WASHC2C: variants seen among roughly 807,000 people sequenced by gnomAD.
The protein encoded by WASHC2C is WASH complex subunit 2C.
WASHC2C carries 73 observed loss-of-function variants against 142.2 expected under a neutral mutation model. That is an observed-to-expected ratio of 0.51 (90% CI 0.43 to 0.62). WASHC2C has a LOEUF of 0.62. Among genes scored for constraint, WASHC2C ranks in the 20% least tolerant of loss-of-function variants. WASHC2C has a pLI of 0.00. For missense variants in WASHC2C, 969 were observed against 1,531.7 expected, an observed-to-expected ratio of 0.63 and a Z score of 6.13; for synonymous variants, 337 against 565.5, an observed-to-expected ratio of 0.60 and a Z score of 5.73.
chr10:45,782,478 T>C (rs2057593655), intron 23 of WASHC2C, among the ~76,000 whole-genome samples: 1 of 147,958 alleles, frequency 6.8e-6, no homozygotes, highest in African/African-American at 2.5e-5. Flanking sequence ...TTGGTAAGGA[T>C]GTGGATAAAT....
intron 23 of WASHC2C, among the ~76,000 whole-genome samples, chr10:45,784,293 C>CACACACACATAT (rs1305333868): frequency 4.7e-5 from 3 of 63,646 alleles, no homozygotes; most frequent in East Asian, 1.2e-3. Context: ...TATATATACA[C>CACACACACATAT]ATATATATAT....
At chr10:45,727,087 G>A, upstream of WASHC2C, 1 of 1,339,950 alleles carries the variant, frequency 7.5e-7, no homozygotes. Context: ...CTATCCTCCA[G>A]CTTCCTCCGC....
At chr10:45,727,385 C>T in intron 1 of WASHC2C, 32 bp from the exon 2 acceptor site, 1 of 1,609,688 alleles carries the variant, frequency 6.2e-7, no homozygotes, top group Non-Finnish European at 8.5e-7. Context: ...CGCCCTCAGG[C>T]TCAGCCTCTC....
At chr10:45,730,873 C>A (rs567501933) in intron 3 of WASHC2C, among the ~76,000 whole-genome samples, 1 of 152,016 alleles carries the variant, frequency 6.6e-6, no homozygotes, top group African/African-American at 2.4e-5. Flanking sequence ...CCCACCTCGA[C>A]CTCCCAAAGT....
rs1365630263 is a variant in WASHC2C at position 45,789,115 on chromosome 10, T to C, written c.3332T>C (p.Val1111Ala). ...APWEGGPVPG[V>A]DTSPFAKSLG... Reference sequence around the variant, plus strand: ...TGGGAAGGTGGTCCTGTGCCTGGAGTGGACACAAGCCCCTTTGCAAAGTCT... The same window carrying C: ...TGGGAAGGTGGTCCTGTGCCTGGAGCGGACACAAGCCCCTTTGCAAAGTCT... The change falls in exon 29 of 31, where the codon GTG (valine) becomes GCG (alanine). Residue 1111 changes from valine (V) to alanine (A), a missense_variant. Transcript: ENST00000623400. The C allele has an allele frequency of 5.0e-6, 8 of 1,611,858 alleles. No individual in the cohort carries two copies. In the African/African-American group the frequency reaches 5.3e-5, roughly 11 times the overall value.
chr10:45,792,324 C>T lies in WASHC2C; in HGVS notation c.3950C>T (p.Ala1317Val). ...TTKPKSRSAQ[A>V]APEPRFEHKV... ...AAACCAAAAAGCCGATCTGCACAGG[C>T]CGCACCTGAACCAAGATTTGAACAC... The change falls in exon 31 of 31, where the codon GCC becomes GTC. Residue 1317 changes from alanine (A) to valine (V), a missense_variant. Physicochemically the swap from Ala to Val is moderately conservative, Grantham distance 64. Coordinates refer to ENST00000623400, the MANE Select transcript of WASHC2C (RefSeq NM_001330074.2). The T allele has an allele frequency of 1.3e-6, 2 of 1,565,430 alleles. No individual in the cohort carries two copies. Among genetic ancestry groups the T allele is most frequent in the Non-Finnish European group, 1.7e-6 (2 of 1,146,840 alleles).
chr10:45,735,998 A>G (rs1388732144), intron 3 of WASHC2C, among the ~76,000 whole-genome samples: 3 of 151,960 alleles, frequency 2.0e-5, no homozygotes, highest in Non-Finnish European at 4.4e-5. Context: ...GCCAGGCACA[A>G]TGGCTCACAC....
In WASHC2C at chr10:45,727,555, C is replaced by G; in HGVS notation, c.126+16C>G. Reference sequence around the variant, plus strand: ...CGACGCGGGCGTGAGAGGCGGGCCCCGGGGACGCGAGAGCGGCAGGGGTGA... The same window carrying G: ...CGACGCGGGCGTGAGAGGCGGGCCCGGGGGACGCGAGAGCGGCAGGGGTGA... On this transcript the variant is annotated intron_variant, in intron 2 of 30. Coordinates refer to ENST00000623400, the MANE Select transcript of WASHC2C (RefSeq NM_001330074.2). The G allele has an allele frequency of 1.2e-5, 19 of 1,566,102 alleles. No homozygotes were observed. The highest frequency in any genetic ancestry group is 1.6e-5 in the Non-Finnish European group (19 of 1,157,162).
chr10:45,761,004 A>G (rs1476203960), intron 17 of WASHC2C, among the ~76,000 whole-genome samples: 2 of 152,028 alleles, frequency 1.3e-5, no homozygotes, highest in African/African-American at 2.4e-5. Flanking sequence ...GACTTACGAG[A>G]TGTTCTGGTT....
intron 23 of WASHC2C, among the ~76,000 whole-genome samples, chr10:45,784,269 T>TATATATATATACACACACACAC (rs2057788343): frequency 3.7e-4 from 5 of 13,476 alleles, no homozygotes; most frequent in East Asian, 0.011. Context: ...TATATATATA[T>TATATATATATACACACACACAC]ATATATATAT....
In WASHC2C at chr10:45,777,395, T is replaced by C. The variant is rs781898050; in HGVS notation, c.2265T>C (p.Phe755=). Residue 755 remains phenylalanine (F), a synonymous_variant, in exon 22 of 31, where the codon TTT becomes TTC. Coordinates refer to ENST00000623400, the MANE Select transcript of WASHC2C (RefSeq NM_001330074.2). ...AGAGTGCCAAGGAGTCATTAAAATT[T>C]GGGAGAACTGATGTGGCTGAGTCAG... ...KVESAKESLK[F]GRTDVAESEK... 4.3e-6 allele frequency: 7 copies of C among 1,610,310 alleles called. No homozygotes were observed. The Admixed American group carries it at 5.0e-5, about 12-fold the overall frequency.
At chr10:45,730,910 C>T (rs61855810) in intron 3 of WASHC2C, among the ~76,000 whole-genome samples, 197 of 151,840 alleles carry the variant, frequency 1.3e-3, no homozygotes, top group Admixed American at 2.2e-3. Context: ...TGAGCCACGG[C>T]GCCCGGCAAG....
chr10:45,730,968 T>C (rs1356525528), intron 3 of WASHC2C, among the ~76,000 whole-genome samples: 3 of 150,822 alleles, frequency 2.0e-5, no homozygotes, highest in Non-Finnish European at 4.4e-5. Context: ...TGGTACTAGA[T>C]TGGTACCAGA....
At chr10:45,769,263 T>A (rs1164794712) in intron 19 of WASHC2C, among the ~76,000 whole-genome samples, 186 bp from the exon 20 acceptor site, 2 of 150,890 alleles carry the variant, frequency 1.3e-5, no homozygotes, top group Non-Finnish European at 3.0e-5. Flanking sequence ...GACTACAGGC[T>A]CCCGCCACCA....
intron 29 of WASHC2C, among the ~76,000 whole-genome samples, 160 bp from the exon 30 acceptor site, chr10:45,790,196 T>C (rs1365734654): frequency 6.6e-6 from 1 of 152,140 alleles, no homozygotes; most frequent in Non-Finnish European, 1.5e-5. Context: ...CGGGCCAAGC[T>C]GTGCAGAGAT....
At chr10:45,783,025 C>CACAG in intron 23 of WASHC2C, among the ~76,000 whole-genome samples, 1 of 152,036 alleles carries the variant, frequency 6.6e-6, no homozygotes, top group South Asian at 2.1e-4. Context: ...GTAGTGGATA[C>CACAG]ACAGATCTGA....
chr10:45,730,866 A>G (rs1181876206), intron 3 of WASHC2C, among the ~76,000 whole-genome samples: 5 of 151,938 alleles, frequency 3.3e-5, no homozygotes, highest in Non-Finnish European at 4.4e-5. Context: ...TGATCCGCCC[A>G]CCTCGACCTC....
intron 13 of WASHC2C, among the ~76,000 whole-genome samples, chr10:45,753,524 T>C (rs2053855541): frequency 7.3e-6 from 1 of 137,754 alleles, no homozygotes; most frequent in Admixed American, 7.3e-5. Context: ...ATGGTTTTCA[T>C]TGAATGAAGT....
chr10:45,740,527 C>A (rs1348878603), intron 5 of WASHC2C, among the ~76,000 whole-genome samples: 2 of 152,164 alleles, frequency 1.3e-5, no homozygotes, highest in African/African-American at 4.8e-5. Flanking sequence ...GACATACATA[C>A]GAATAACCAT....
Sources: gnomAD v4.1 joint callset for allele counts (sites outside exome capture counted in the v4.1 genomes callset) on GRCh38, gnomAD v4.1.1 for gene constraint, MANE v1.5 for transcripts, NCBI Gene and HGNC (gene_info 2026-07-23, HGNC 2026-07-21) for gene names.